Variants in LIMS2 observed in about 807,000 individuals in gnomAD.
The protein encoded by LIMS2 is LIM zinc finger domain containing 2, also known as LIM and senescent cell antigen-like-containing domain protein 2.
A neutral mutation model predicts 45.3 loss-of-function variants in LIMS2; 30 were observed. The observed-to-expected ratio is 0.66, with a 90% CI of 0.50 to 0.90. The LOEUF (loss-of-function observed/expected upper bound fraction) is 0.90, where lower values mean the gene tolerates loss of function less well. Ranked by LOEUF, LIMS2 falls within the 40% of genes least tolerant of loss-of-function variation. LIMS2 has a pLI of 0.00. For synonymous variants in LIMS2, 173 were observed against 188.0 expected (o/e 0.92, Z 0.65); for missense variants, 485 against 468.7 (o/e 1.03, Z -0.32).
In LIMS2 at chr2:127,638,997, T is replaced by G; in HGVS notation, c.*284A>C. The G allele has an allele frequency of 1.2e-5, 5 of 409,102 alleles. No homozygotes were observed. Among genetic ancestry groups the G allele is most frequent in the South Asian group, 3.4e-5 (1 of 29,746 alleles). The allele number at this position is 409,102 out of a possible 1,614,324, so 25.3% of individuals were successfully genotyped here. ...TGCAATTTGCTCCTGTCCCTGGAGG[T>G]CTGTGGGCGGAAGCTGTGGGCACAG... On this transcript the variant is annotated 3_prime_UTR_variant, in exon 10 of 10. Coordinates refer to ENST00000355119, the MANE Select transcript of LIMS2 (RefSeq NM_001161403.3).
intron 4 of LIMS2, chr2:127,651,194 C>T (rs767521124): frequency 1.2e-6 from 2 of 1,611,380 alleles, no homozygotes; most frequent in African/African-American, 1.3e-5. Flanking sequence ...TGGCCTGTGC[C>T]TTCCTGTGGG....
rs1027009648 is a variant in LIMS2 at position 127,671,682 on chromosome 2, C to T, written c.11+3332G>A. ...GACTGGACACCCTGCAGATCAGTCC[C>T]TCCATCCCTATTATGCCACTGGCCG... On this transcript the variant is annotated intron_variant, in intron 1 of 9. Transcript: ENST00000355119. This position sits in a 1 kb window ranked among gnomAD's most constrained non-coding sequence, Gnocchi z 4.1. Among the ~76,000 whole-genome samples, 1 of 152,242 alleles carries T rather than the reference C, an allele frequency of 6.6e-6. No homozygotes were observed. Among genetic ancestry groups the T allele is most frequent in the African/African-American group, 2.4e-5 (1 of 41,460 alleles).
chr2:127,661,251 C>T (rs1368387889), intron 1 of LIMS2, among the ~76,000 whole-genome samples: 4 of 152,246 alleles, frequency 2.6e-5, no homozygotes, highest in Non-Finnish European at 4.4e-5. Flanking sequence ...GTAGGCCTCA[C>T]GTTCTCTTTT....
rs115961120 is a variant in LIMS2 at position 127,640,153 on chromosome 2, G to A, written c.803-8C>T. The stretch of plus-strand genomic sequence containing the variant: ...TGTTGAGGGCCGACACCACTGTGAG[G>A]GAAGCGTGGGACTCAGCAGGCCTGG... On this transcript the variant is annotated splice_polypyrimidine_tract_variant and splice_region_variant and intron_variant, in intron 8 of 9. Transcript: ENST00000355119. The A allele has an allele frequency of 1.9e-6, 3 of 1,613,272 alleles. No homozygotes were observed. In the African/African-American group the frequency reaches 4.0e-5, roughly 21 times the overall value.
intron 2 of LIMS2, among the ~76,000 whole-genome samples, chr2:127,656,496 C>A (rs534429307): frequency 6.6e-6 from 1 of 151,776 alleles, no homozygotes; most frequent in East Asian, 1.9e-4. Context: ...TCACTGCAAC[C>A]TCTGCCTCCC....
intron 4 of LIMS2, chr2:127,650,432 C>A: frequency 1.8e-6 from 1 of 546,310 alleles, no homozygotes; most frequent in Non-Finnish European, 3.2e-6. Context: ...CCCGGTCCTC[C>A]CAGCTCTGAG....
chr2:127,673,715 C>T (rs1226575385), intron 1 of LIMS2: 5 of 1,551,440 alleles, frequency 3.2e-6, no homozygotes, highest in Non-Finnish European at 3.5e-6. Flanking sequence ...GCTCCGGACC[C>T]TGTTCCTGTC....
chr2:127,656,432 T>C (rs959099350), intron 2 of LIMS2, among the ~76,000 whole-genome samples: 1 of 146,556 alleles, frequency 6.8e-6, no homozygotes, highest in Non-Finnish European at 1.5e-5. Flanking sequence ...TTTTTTTTTT[T>C]AGATGGAGTC....
At chr2:127,644,763 T>C (rs911177784) in intron 4 of LIMS2, among the ~76,000 whole-genome samples, 2 of 152,184 alleles carry the variant, frequency 1.3e-5, no homozygotes, top group Admixed American at 1.3e-4. Context: ...AGCCCAGAAA[T>C]GCCCTGCTCA....
upstream of LIMS2, among the ~76,000 whole-genome samples, chr2:127,679,587 G>T (rs1018335868): frequency 2.0e-5 from 3 of 151,832 alleles, no homozygotes; most frequent in African/African-American, 7.3e-5. The surrounding 1 kb of genome is among the most constrained non-coding windows in gnomAD (Gnocchi z 5.3). Flanking sequence ...CCTTTGCTGG[G>T]CAGGTACCCG....
In LIMS2 at chr2:127,673,686, C is replaced by T. The variant is rs368890874; in HGVS notation, c.11+1328G>A. 112 of 1,551,582 alleles carry T rather than the reference C, an allele frequency of 7.2e-5. 2 individuals carry two copies. The African/African-American group carries it at 1.3e-3, about 18-fold the overall frequency. ...AACCGCCTCTCACCCACCTCCACCT[C>T]AATGCTGCTGCTGGGGCTGCTCCGG... On this transcript the variant is annotated intron_variant, in intron 1 of 9. Coordinates refer to ENST00000355119, the MANE Select transcript of LIMS2 (RefSeq NM_001161403.3).
intron 1 of LIMS2, among the ~76,000 whole-genome samples, chr2:127,660,329 T>C (rs760320365): frequency 4.6e-5 from 7 of 152,200 alleles, no homozygotes; most frequent in Non-Finnish European, 8.8e-5. Flanking sequence ...GGGGTTCCTT[T>C]GCTTGGTGTG....
At chr2:127,639,962 C>G (rs529706988) in intron 9 of LIMS2, 108 bp downstream of exon 9, 35 of 1,218,280 alleles carry the variant, frequency 2.9e-5, no homozygotes, top group Non-Finnish European at 3.8e-5. Context: ...CTTGTCCCCA[C>G]CATATCCCCA....
Position 127,642,070 on chromosome 2 carries a change from C to T in LIMS2, c.639G>A (p.Leu213=), listed in dbSNP as rs374499007. The change falls in exon 6 of 10, where the codon CTG becomes CTA. Residue 213 remains leucine, a synonymous_variant. Coordinates refer to ENST00000355119, the MANE Select transcript of LIMS2 (RefSeq NM_001161403.3). The surrounding 1 kb of genome is among the most constrained non-coding windows in gnomAD (Gnocchi z 5.3). ...RPIEGRVVNA[L]GKQWHVEHFV... ...TCACCTCCACGTGCCACTGCTTGCCCAGCGCGTTGACCACTCGGCCCTCGA... is the reference window on the plus strand; with the variant it reads ...TCACCTCCACGTGCCACTGCTTGCCTAGCGCGTTGACCACTCGGCCCTCGA... 35 of 1,611,228 alleles carry T rather than the reference C, an allele frequency of 2.2e-5. No homozygotes were observed. The highest frequency in any genetic ancestry group is 3.4e-6 in the Non-Finnish European group (4 of 1,179,158).
intron 1 of LIMS2, among the ~76,000 whole-genome samples, chr2:127,662,947 GCTTTT>G (rs1684774227): frequency 2.0e-5 from 3 of 152,148 alleles, no homozygotes; most frequent in Admixed American, 6.5e-5. Context: ...TGCTCTAGTG[GCTTTT>G]CTTTTAAGCA....
At chr2:127,673,152 T>A (rs1370906750) in intron 1 of LIMS2, among the ~76,000 whole-genome samples, 1 of 152,262 alleles carries the variant, frequency 6.6e-6, no homozygotes, top group East Asian at 1.9e-4. Flanking sequence ...AGGGTCACCT[T>A]TGAAGGAGCG....
rs1448982554 is a variant in LIMS2 at position 127,667,125 on chromosome 2, C to CTACA, written c.11+7885_11+7888dup. On this transcript the variant is annotated intron_variant, in intron 1 of 9. Coordinates refer to ENST00000355119, the MANE Select transcript of LIMS2 (RefSeq NM_001161403.3). This position sits in a 1 kb window ranked among gnomAD's most constrained non-coding sequence, Gnocchi z 4.1. ...GGTTTAACTAGAATTAACACCAAAC[C>CTACA]TACAAACAAACATACAAAACACCAG... 6.6e-6 allele frequency among the ~76,000 whole-genome samples: 1 copy of CTACA among 152,120 alleles called. No homozygotes were observed. The highest frequency in any genetic ancestry group is 1.5e-5 in the Non-Finnish European group (1 of 68,010).
chr2:127,650,892 C>T (rs1683690630), intron 4 of LIMS2: 2 of 1,614,114 alleles, frequency 1.2e-6, no homozygotes, highest in East Asian at 2.2e-5. Context: ...TACCCTGGCT[C>T]TGTGGCTTTT....
chr2:127,649,671 A>G (rs1375063380), intron 4 of LIMS2, among the ~76,000 whole-genome samples: 1 of 152,186 alleles, frequency 6.6e-6, no homozygotes, highest in African/African-American at 2.4e-5. Context: ...AGTTGACTAA[A>G]ATCAAAACAA....
Sources: gnomAD v4.1 joint callset for allele counts (sites outside exome capture counted in the v4.1 genomes callset) on GRCh38, gnomAD v4.1.1 for gene constraint, Gnocchi (gnomAD v3.1) non-coding constraint, MANE v1.5 for transcripts, NCBI Gene and HGNC (gene_info 2026-07-23, HGNC 2026-07-21) for gene names.